GDF5: variants seen among roughly 807,000 people sequenced by gnomAD.
GDF5 encodes growth differentiation factor 5.
A neutral mutation model predicts 34.6 loss-of-function variants in GDF5; 17 were observed. The ratio of observed to expected loss-of-function variants is 0.49; its 90% CI spans 0.34 to 0.74. The LOEUF is 0.74. GDF5 is among the 30% of genes least tolerant of loss of function. GDF5 has a pLI of 0.01. For synonymous variants in GDF5, 332 were observed against 290.7 expected (o/e 1.14, Z -1.44); for missense variants, 616 against 661.2 (o/e 0.93, Z 0.75).
At chr20:35,438,447 GA>G (rs2062485148), upstream of GDF5, among the ~76,000 whole-genome samples, 1 of 151,270 alleles carries the variant, frequency 6.6e-6, no homozygotes, top group African/African-American at 2.4e-5. Flanking sequence ...TCAGGAATTG[GA>G]AACGGAATTC....
In GDF5 at chr20:35,433,867, C is replaced by T. The variant is rs749350402; in HGVS notation, c.*42G>A. The T allele has an allele frequency of 4.5e-6, 7 of 1,553,766 alleles. No individual in the cohort carries two copies. In the South Asian group the frequency reaches 6.7e-5, roughly 15 times the overall value. On this transcript the variant is annotated 3_prime_UTR_variant, in exon 2 of 2. Transcript: ENST00000374369. ...GTGATTCCAGGAGTGCAGGAAGGGG[C>T]TCTTGGGATGTGCCACCCAGGAAGA...
Position 35,437,419 on chromosome 20 carries a change from G to A in GDF5, c.510C>T (p.His170=), listed in dbSNP as rs549971798. The A allele has an allele frequency of 9.3e-6, 15 of 1,613,808 alleles. No individual in the cohort carries two copies. The highest frequency in any genetic ancestry group is 2.2e-5 in the South Asian group (2 of 91,070). Residue 170 remains histidine (H), a synonymous_variant, in exon 1 of 2, where the codon CAC becomes CAT. Transcript: ENST00000374369. ...TCCTGTACAGCGAGAGCATGTACTC[G>A]TGGGGTGTGATGGGGGGTGGGCGAA... The part of the protein sequence containing the change: ...EPFRPPPITP[H]EYMLSLYRTL...
chr20:35,438,147 C>G lies in GDF5; in HGVS notation c.-219G>C, dbSNP rs542485112. ...TAGTGGAAATGCTCTCGTATCCAGA[C>G]GTGCACCGTCTCCAGTCAGCAGCTG... On this transcript the variant is annotated 5_prime_UTR_variant, in exon 1 of 2. Transcript: ENST00000374369. 1 of 599,108 alleles carries G rather than the reference C, an allele frequency of 1.7e-6. No homozygotes were observed. Among genetic ancestry groups the G allele is most frequent in the Non-Finnish European group, 3.0e-6 (1 of 337,182 alleles). 37.1% of individuals were successfully genotyped at this position (599,108 alleles called of 1,614,324 possible).
At position 35,448,448 on chromosome 20, in the gene GDF5, CTTTTTTTTT is replaced by C. The variant is rs34209210; in HGVS notation, c.-398+6183_-398+6191del. 3.5e-5 allele frequency among the ~76,000 whole-genome samples: 3 copies of C among 86,762 alleles called. No individual in the cohort carries two copies. The East Asian group carries it at 1.2e-3, about 34-fold the overall frequency. The allele number at this position is 86,762 out of a possible 152,430, so 56.9% of individuals were successfully genotyped here. On this transcript the variant is annotated intron_variant, in intron 1 of 3. Transcript: ENST00000374372. ...TATATATAGTTAAGGGCCCCCCCGACTTTTTTTTTTTTTTTTTTTTTGTCTCACTCTGTC... is the reference window on the plus strand; with the variant it reads ...TATATATAGTTAAGGGCCCCCCCGACTTTTTTTTTTTTGTCTCACTCTGTC...
At chr20:35,450,449 T>C (rs1176622601) in intron 1 of GDF5, among the ~76,000 whole-genome samples, 1 of 152,068 alleles carries the variant, frequency 6.6e-6, no homozygotes, top group African/African-American at 2.4e-5. Context: ...CATCCTCAGC[T>C]CACTTTAGTC....
chr20:35,449,982 C>T (rs1368952183), intron 1 of GDF5, among the ~76,000 whole-genome samples: 1 of 150,684 alleles, frequency 6.6e-6, no homozygotes, highest in East Asian at 2.0e-4. Flanking sequence ...GAGCAAAACC[C>T]TGTCTCTTAA....
chr20:35,436,273 G>A (rs2062472278), intron 1 of GDF5, among the ~76,000 whole-genome samples: 1 of 152,114 alleles, frequency 6.6e-6, no homozygotes, highest in African/African-American at 2.4e-5. Flanking sequence ...TGGCTGGGCA[G>A]GCAGCCAGAC....
chr20:35,435,116 C>T (rs372912399), intron 1 of GDF5: 3 of 593,530 alleles, frequency 5.1e-6, no homozygotes, highest in Non-Finnish European at 3.1e-6. Flanking sequence ...CATGAGCTAA[C>T]GTGATGTCTC....
chr20:35,446,255 A>G (rs763261753), intron 1 of GDF5, among the ~76,000 whole-genome samples: 31 of 151,728 alleles, frequency 2.0e-4, no homozygotes, highest in Non-Finnish European at 4.0e-4. Context: ...GGTTGCAGTG[A>G]GCTGAGATCC....
chr20:35,448,692 C>T (rs2062521793), intron 1 of GDF5, among the ~76,000 whole-genome samples: 1 of 151,946 alleles, frequency 6.6e-6, no homozygotes, highest in African/African-American at 2.4e-5. Context: ...GATCCACTTG[C>T]CTCCACCTCC....
At position 35,448,378 on chromosome 20, in the gene GDF5, C is replaced by T. The variant is rs531069640; in HGVS notation, c.-398+6262G>A. On this transcript the variant is annotated intron_variant, in intron 1 of 3. Transcript: ENST00000374372. The stretch of plus-strand genomic sequence containing the variant: ...TGGTGCACATCTGTAGTCCTGGCTA[C>T]GGGACTTTTTGTTTTTTTCAAAAAA... Among the ~76,000 whole-genome samples, 183 of 127,198 alleles carry T rather than the reference C, an allele frequency of 1.4e-3. 2 individuals are homozygous for T. The highest frequency in any genetic ancestry group is 4.6e-3 in the African/African-American group (147 of 32,070). The allele number at this position is 127,198 out of a possible 152,430, so 83.4% of individuals were successfully genotyped here.
upstream of GDF5, among the ~76,000 whole-genome samples, chr20:35,443,060 G>C (rs1167188489): frequency 6.6e-6 from 1 of 152,038 alleles, no homozygotes; most frequent in Non-Finnish European, 1.5e-5. Flanking sequence ...GAGGAGTCTC[G>C]AGGCCAGGGC....
At chr20:35,443,523 A>C (rs1201324219) in intron 1 of GDF5, among the ~76,000 whole-genome samples, 2 of 151,286 alleles carry the variant, frequency 1.3e-5, no homozygotes, top group Non-Finnish European at 2.9e-5. Flanking sequence ...TATTATTATT[A>C]TTTTTGGAGA....
Position 35,434,306 on chromosome 20 carries a change from T to A in GDF5, c.1109A>T (p.Tyr370Phe), listed in dbSNP as rs1184070029. 1 of 1,614,132 alleles carries A rather than the reference T, an allele frequency of 6.2e-7. No homozygotes were observed. The highest frequency in any genetic ancestry group is 1.7e-5 in the Admixed American group (1 of 60,024). Residue 370 changes from tyrosine (Y) to phenylalanine (F), a missense_variant, in exon 2 of 2, where the codon TAT becomes TTT. Physicochemically the swap from Tyr to Phe is conservative, Grantham distance 22. Transcript: ENST00000374369. ...TCGCCGCTGGCTGAACAGGTACTCATACACGGTCTTATCGTCCTGGCCAGA... is the reference window on the plus strand; with the variant it reads ...TCGCCGCTGGCTGAACAGGTACTCAAACACGGTCTTATCGTCCTGGCCAGA... ...ARSGQDDKTV[Y>F]EYLFSQRRKR...
intron 1 of GDF5, among the ~76,000 whole-genome samples, chr20:35,445,219 A>G (rs1307655277): frequency 1.3e-5 from 2 of 152,222 alleles, no homozygotes; most frequent in East Asian, 3.8e-4. Flanking sequence ...AAATGGGAAT[A>G]ATAACGATAT....
exon 1 of GDF5, chr20:35,454,640 C>T (rs890526159): frequency 2.6e-5 from 4 of 152,256 alleles, no homozygotes; most frequent in Non-Finnish European, 5.9e-5. Context: ...AGTAACTCGC[C>T]TGTAAGTGTT....
intron 1 of GDF5, among the ~76,000 whole-genome samples, chr20:35,447,167 T>C (rs1241952828): frequency 2.0e-5 from 3 of 152,136 alleles, no homozygotes; most frequent in East Asian, 3.8e-4. Context: ...ACTCGTCATT[T>C]ACATTAGGTA....
At chr20:35,443,181 C>T (rs2062503496), upstream of GDF5, among the ~76,000 whole-genome samples, 1 of 152,106 alleles carries the variant, frequency 6.6e-6, no homozygotes, top group Non-Finnish European at 1.5e-5. Context: ...TCCTGCCTGG[C>T]TCTCACTATA....
intron 1 of GDF5, among the ~76,000 whole-genome samples, chr20:35,444,578 G>A (rs927811460): frequency 1.3e-5 from 2 of 151,978 alleles, no homozygotes; most frequent in African/African-American, 4.8e-5. Context: ...TGGAAAGGGA[G>A]CTGGATTTTC....
Sources: gnomAD v4.1 joint callset for allele counts (sites outside exome capture counted in the v4.1 genomes callset) on GRCh38, gnomAD v4.1.1 for gene constraint, MANE v1.5 for transcripts, NCBI Gene and HGNC (gene_info 2026-07-23, HGNC 2026-07-21) for gene names.